The following FARP1 variants were observed in gnomAD, a reference collection of about 807,000 sequenced individuals.
FARP1 encodes FERM, ARHGEF and pleckstrin domain-containing protein 1.
FARP1 carries 52 observed loss-of-function variants against 128.8 expected under a neutral mutation model. The observed-to-expected ratio is 0.40, with a 90% CI of 0.32 to 0.51. The LOEUF (loss-of-function observed/expected upper bound fraction) is 0.51, where lower values mean the gene tolerates loss of function less well. Among genes scored for constraint, FARP1 ranks in the 20% least tolerant of loss-of-function variants. FARP1 has a pLI of 0.45. For missense variants in FARP1, 1,333 were observed against 1,367.9 expected, an observed-to-expected ratio of 0.97 and a Z score of 0.40; for synonymous variants, 580 against 551.8, an observed-to-expected ratio of 1.05 and a Z score of -0.72.
chr13:98,206,511 AG>A (rs1880279679), intron 1 of FARP1, among the ~76,000 whole-genome samples: 1 of 152,188 alleles, frequency 6.6e-6, no homozygotes, highest in Non-Finnish European at 1.5e-5. Context: ...AGCCTCTCCA[AG>A]CATTTTCCTT....
chr13:98,315,811 C>T (rs989081582), intron 2 of FARP1, among the ~76,000 whole-genome samples: 5 of 152,170 alleles, frequency 3.3e-5, no homozygotes, highest in African/African-American at 4.8e-5. Context: ...TAAGAGCAGT[C>T]GGGCAGTAAG....
chr13:98,176,328 G>A lies in FARP1; in HGVS notation c.-24+32836G>A, dbSNP rs1878019411. On this transcript the variant is annotated intron_variant, in intron 1 of 26. Transcript: ENST00000319562. The surrounding 1 kb of genome is among the most constrained non-coding windows in gnomAD (Gnocchi z 6.2). ...GCAGTTTCGCCATCAGTTCTTTGGC[G>A]GGGTTAAAGATGCCGCCGGTTGGCT... The A allele has an allele frequency of 6.2e-7, 1 of 1,613,646 alleles. No individual in the cohort carries two copies. Among genetic ancestry groups the A allele is most frequent in the South Asian group, 1.1e-5 (1 of 91,076 alleles).
chr13:98,331,303 T>C (rs1391045727), intron 2 of FARP1, among the ~76,000 whole-genome samples: 1 of 152,234 alleles, frequency 6.6e-6, no homozygotes, highest in Non-Finnish European at 1.5e-5. Context: ...TCGTATTTTG[T>C]CCTACTCTAG....
chr13:98,267,561 A>G (rs1308825563), intron 2 of FARP1, among the ~76,000 whole-genome samples: 1 of 152,146 alleles, frequency 6.6e-6, no homozygotes, highest in Non-Finnish European at 1.5e-5. Context: ...ATCCTTCTCA[A>G]ATCCAGTTTC....
intron 4 of FARP1, among the ~76,000 whole-genome samples, chr13:98,366,357 A>G (rs533759883): frequency 6.6e-6 from 1 of 152,340 alleles, no homozygotes; most frequent in East Asian, 1.9e-4. Context: ...GTTACTTATA[A>G]TAATTATACT....
At chr13:98,305,107 T>TAA (rs1294062369) in intron 2 of FARP1, among the ~76,000 whole-genome samples, 1 of 33,846 alleles carries the variant, frequency 3.0e-5, no homozygotes, top group East Asian at 0.02. Flanking sequence ...TAAATGTGTA[T>TAA]ATATATATAT....
At chr13:98,166,388 C>A (rs538900604) in intron 1 of FARP1, among the ~76,000 whole-genome samples, 1 of 152,198 alleles carries the variant, frequency 6.6e-6, no homozygotes, top group African/African-American at 2.4e-5. Flanking sequence ...ACCGTTCATT[C>A]GTTTTATGAA....
chr13:98,437,731 C>A (rs1324375754), intron 19 of FARP1: 9 of 1,043,576 alleles, frequency 8.6e-6, no homozygotes, highest in African/African-American at 1.5e-5. Flanking sequence ...ATAGCTTCTC[C>A]GCTTTGTCTT....
intron 5 of FARP1, among the ~76,000 whole-genome samples, chr13:98,370,261 T>C (rs1349319637): frequency 6.6e-6 from 1 of 152,092 alleles, no homozygotes; most frequent in East Asian, 1.9e-4. Context: ...AGCATTCAAA[T>C]ACATAAAGGA....
chr13:98,251,406 G>A (rs1359863836), intron 2 of FARP1, among the ~76,000 whole-genome samples: 1 of 152,222 alleles, frequency 6.6e-6, no homozygotes, highest in African/African-American at 2.4e-5. Context: ...TGGGGGCCGG[G>A]CATGGTATTC....
intron 2 of FARP1, among the ~76,000 whole-genome samples, chr13:98,220,139 C>T (rs1370060517): frequency 3.3e-5 from 5 of 151,878 alleles, no homozygotes; most frequent in African/African-American, 9.7e-5. Flanking sequence ...GTAAGTGTAG[C>T]GGTTCCGACT....
At chr13:98,256,987 ATAT>A (rs1883648251) in intron 2 of FARP1, among the ~76,000 whole-genome samples, 1 of 129,926 alleles carries the variant, frequency 7.7e-6, no homozygotes, top group African/African-American at 3.0e-5. Flanking sequence ...ATATATATAT[ATAT>A]ACCGAAAGAT....
At chr13:98,301,042 G>A (rs1325928471) in intron 2 of FARP1, among the ~76,000 whole-genome samples, 2 of 152,162 alleles carry the variant, frequency 1.3e-5, no homozygotes, top group East Asian at 3.9e-4. Flanking sequence ...ATCGAGCTGG[G>A]TCCAGAGACT....
chr13:98,215,451 A>T (rs1456237250), intron 2 of FARP1, among the ~76,000 whole-genome samples: 1 of 152,182 alleles, frequency 6.6e-6, no homozygotes, highest in African/African-American at 2.4e-5. Context: ...TCCTACTGAG[A>T]GTTGTGCAGC....
chr13:98,395,810 C>T (rs1422447436), intron 13 of FARP1: 1 of 403,208 alleles, frequency 2.5e-6, no homozygotes, highest in African/African-American at 2.1e-5. Context: ...AGGCATAGCT[C>T]TCTCATAGAT....
At chr13:98,162,383 C>T (rs1876949085) in intron 1 of FARP1, among the ~76,000 whole-genome samples, 1 of 152,186 alleles carries the variant, frequency 6.6e-6, no homozygotes, top group Non-Finnish European at 1.5e-5. Context: ...AGAAGAGAAT[C>T]TTTTCCTTGT....
chr13:98,283,902 G>A (rs1379542609), intron 2 of FARP1, among the ~76,000 whole-genome samples: 1 of 152,216 alleles, frequency 6.6e-6, no homozygotes, highest in Non-Finnish European at 1.5e-5. Context: ...TAACAAAGAA[G>A]GTAGGTTGTG....
intron 3 of FARP1, among the ~76,000 whole-genome samples, chr13:98,348,772 A>C (rs376261852): frequency 1.3e-5 from 2 of 152,370 alleles, no homozygotes; most frequent in Admixed American, 6.5e-5. Context: ...GAAAAATGTA[A>C]AAGCCAATCT....
intron 2 of FARP1, among the ~76,000 whole-genome samples, chr13:98,341,371 C>A (rs1273253279): frequency 6.6e-6 from 1 of 152,138 alleles, no homozygotes; most frequent in African/African-American, 2.4e-5. Context: ...CAGTAGCTCA[C>A]ACCTGTAATC....
Sources: gnomAD v4.1 joint callset for allele counts (sites outside exome capture counted in the v4.1 genomes callset) on GRCh38, gnomAD v4.1.1 for gene constraint, Gnocchi (gnomAD v3.1) non-coding constraint, MANE v1.5 for transcripts, NCBI Gene and HGNC (gene_info 2026-07-23, HGNC 2026-07-21) for gene names.